Variants in GPR37 observed in about 807,000 individuals in gnomAD.
The protein encoded by GPR37 is G protein-coupled receptor 37, also known as prosaposin receptor GPR37.
A neutral mutation model predicts 43.6 loss-of-function variants in GPR37; 20 were observed. The ratio of observed to expected loss-of-function variants is 0.46; its 90% CI spans 0.32 to 0.67. The LOEUF is 0.67. GPR37 is among the 30% of genes least tolerant of loss of function. The pLI is 0.03. For missense variants in GPR37, 724 were observed against 797.2 expected, an observed-to-expected ratio of 0.91 and a Z score of 1.11; for synonymous variants, 315 against 322.6, an observed-to-expected ratio of 0.98 and a Z score of 0.25.
rs2190099 is a variant in GPR37 at position 124,744,767 on chromosome 7, A to G, written c.*1758T>C. 0.2 allele frequency: 30,484 copies of G among 152,146 alleles called. 3,848 individuals are homozygous for G. The highest frequency in any genetic ancestry group is 0.33 in the South Asian group (1,569 of 4,826). 9.4% of individuals were successfully genotyped at this position (152,146 alleles called of 1,614,324 possible). On this transcript the variant is annotated 3_prime_UTR_variant, in exon 2 of 2. Transcript: ENST00000303921. The stretch of plus-strand genomic sequence containing the variant: ...TCTGTAAGGTCTGAGGCTGTGACCT[A>G]TTTACCTTTAGTTACTCAGGTAATA...
rs1444385963 is a variant in GPR37 at position 124,764,667 on chromosome 7, C to A, written c.310G>T (p.Ala104Ser). ...RDPAAGRGAEASAAGPPGPPT... is the reference protein window; with the variant it reads ...RDPAAGRGAESSAAGPPGPPT... The stretch of plus-strand genomic sequence containing the variant: ...GGTCCCGGGGGTCCGGCTGCCGACG[C>A]CTCCGCCCCTCTGCCTGCAGCCGGG... Residue 104 changes from alanine to serine, a missense_variant, in exon 1 of 2, where the codon GCG becomes TCG. This residue lies in a region of GPR37 where 382 missense variants were observed against 355.4 expected (regional missense o/e 1.07). Coordinates refer to ENST00000303921, the MANE Select transcript of GPR37 (RefSeq NM_005302.5). The surrounding 1 kb of genome is among the most constrained non-coding windows in gnomAD (Gnocchi z 5.4). 3 of 1,587,496 alleles carry A rather than the reference C, an allele frequency of 1.9e-6. No individual in the cohort carries two copies. The African/African-American group carries it at 4.0e-5, about 21-fold the overall frequency.
At position 124,765,344 on chromosome 7, in the gene GPR37, A is replaced by C; in HGVS notation, c.-368T>G. On this transcript the variant is annotated 5_prime_UTR_variant, in exon 1 of 2. Transcript: ENST00000303921. ...GCCCAGACGAAGCCCCACACTCCTC[A>C]CTGCCTTTGGGTGGGGGTGGTGGCC... is the stretch of plus-strand genomic sequence containing the variant. 2 of 217,008 alleles carry C rather than the reference A, an allele frequency of 9.2e-6. No individual in the cohort carries two copies. Among genetic ancestry groups the C allele is most frequent in the Middle Eastern group, 1.5e-3 (1 of 658 alleles). 13.4% of individuals were successfully genotyped at this position (217,008 alleles called of 1,614,324 possible). A position where few individuals can be genotyped will look rare whatever the true frequency, so the allele number is the denominator to read the frequency against.
chr7:124,761,031 C>T (rs1318192518), intron 1 of GPR37, among the ~76,000 whole-genome samples: 2 of 151,874 alleles, frequency 1.3e-5, no homozygotes, highest in African/African-American at 4.8e-5. Flanking sequence ...TGGTGACACG[C>T]ACCCGTAGTC....
chr7:124,746,792 C>T lies in GPR37; in HGVS notation c.1575G>A (p.Gln525=). 6.2e-7 allele frequency: 1 copy of T among 1,614,066 alleles called. No homozygotes were observed. The highest frequency in any genetic ancestry group is 8.5e-7 in the Non-Finnish European group (1 of 1,179,940). Residue 525 remains glutamine, a synonymous_variant, in exon 2 of 2, where the codon CAG becomes CAA. Coordinates refer to ENST00000303921, the MANE Select transcript of GPR37 (RefSeq NM_005302.5). ...TGATGATATTAAGGAGGTCCATTGT[C>T]TGCTGTGAAACCCCTGTAGCCATGT... The part of the protein sequence containing the change: ...TAYMATGVSQ[Q]TMDLLNIISQ...
At chr7:124,747,493 T>C (rs369126247) in intron 1 of GPR37, 150 bp from the exon 2 acceptor site, 1 of 613,484 alleles carries the variant, frequency 1.6e-6, no homozygotes. Flanking sequence ...GAATGAGGCA[T>C]GGGTAACTGG....
intron 1 of GPR37, among the ~76,000 whole-genome samples, chr7:124,753,558 A>C (rs919808346): frequency 6.6e-6 from 1 of 152,084 alleles, no homozygotes; most frequent in East Asian, 1.9e-4. Flanking sequence ...GAAAAAAAAA[A>C]CCTATAAAGT....
chr7:124,756,001 C>G (rs757638858), intron 1 of GPR37, among the ~76,000 whole-genome samples: 5 of 152,076 alleles, frequency 3.3e-5, no homozygotes. Flanking sequence ...AATTGAGAAA[C>G]CATATTTTAG....
At position 124,764,732 on chromosome 7, in the gene GPR37, G is replaced by C. The variant is rs533008895; in HGVS notation, c.245C>G (p.Ala82Gly). Residue 82 changes from alanine (A) to glycine (G), a missense_variant, in exon 1 of 2, where the codon GCG becomes GGG. Physicochemically the swap from Ala to Gly is moderately conservative, Grantham distance 60. Around this residue, in one of 2 missense-constraint regions of GPR37, gnomAD observed 382 missense variants for 355.4 expected, o/e 1.07. Coordinates refer to ENST00000303921, the MANE Select transcript of GPR37 (RefSeq NM_005302.5). The surrounding 1 kb of genome is among the most constrained non-coding windows in gnomAD (Gnocchi z 5.4). ...CGCCGGCAGGTCCCAGGAGGGTCCC[G>C]CAAGAAACGCTGCCCCCTGCTCCTC... ...PREEQGAAFL[A>G]GPSWDLPAAP... The C allele has an allele frequency of 4.4e-6, 7 of 1,608,860 alleles. No individual in the cohort carries two copies. The highest frequency in any genetic ancestry group is 5.9e-6 in the Non-Finnish European group (7 of 1,179,300).
chr7:124,752,817 T>G (rs1793747788), intron 1 of GPR37, among the ~76,000 whole-genome samples: 1 of 152,166 alleles, frequency 6.6e-6, no homozygotes, highest in South Asian at 2.1e-4. Context: ...AACAATGCAG[T>G]ACAGTCATGA....
intron 1 of GPR37, among the ~76,000 whole-genome samples, chr7:124,756,509 C>G (rs1349365971): frequency 6.6e-6 from 1 of 152,110 alleles, no homozygotes; most frequent in East Asian, 1.9e-4. Flanking sequence ...AAAAAAAGAC[C>G]CTCCATATTT....
chr7:124,750,950 A>G (rs1015454272), intron 1 of GPR37, among the ~76,000 whole-genome samples: 1 of 152,146 alleles, frequency 6.6e-6, no homozygotes. Flanking sequence ...TTCTTCAGTC[A>G]TATTCCCAAA....
chr7:124,760,296 G>C (rs1359853498), intron 1 of GPR37, among the ~76,000 whole-genome samples: 1 of 152,092 alleles, frequency 6.6e-6, no homozygotes, highest in Non-Finnish European at 1.5e-5. Flanking sequence ...TAAAAGTCTT[G>C]AGGTCAGAGG....
In GPR37 at chr7:124,746,417, T is replaced by C; in HGVS notation, c.*108A>G. On this transcript the variant is annotated 3_prime_UTR_variant, in exon 2 of 2. Transcript: ENST00000303921. Reference sequence around the variant, plus strand: ...TCTACAGTAGTTAATATTTCTTTCTTTATTGTTTCTTTTTTGCATTTTTCC... The same window carrying C: ...TCTACAGTAGTTAATATTTCTTTCTCTATTGTTTCTTTTTTGCATTTTTCC... 1 of 810,084 alleles carries C rather than the reference T, an allele frequency of 1.2e-6. No homozygotes were observed. The allele number at this position is 810,084 out of a possible 1,614,324, so 50.2% of individuals were successfully genotyped here.
chr7:124,748,882 C>T (rs1793703158), intron 1 of GPR37, among the ~76,000 whole-genome samples: 1 of 151,888 alleles, frequency 6.6e-6, no homozygotes, highest in Non-Finnish European at 1.5e-5. Flanking sequence ...ACACATGTTC[C>T]TAATGTAAGC....
intron 1 of GPR37, among the ~76,000 whole-genome samples, chr7:124,762,081 T>C (rs1584727246): frequency 6.6e-6 from 1 of 152,190 alleles, no homozygotes; most frequent in East Asian, 1.9e-4. Flanking sequence ...AAAGCACTCT[T>C]AAGGAGGAGC....
In GPR37 at chr7:124,765,396, T is replaced by G; in HGVS notation, c.-420A>C. The G allele has an allele frequency of 5.8e-6, 1 of 171,304 alleles. No individual in the cohort carries two copies. The allele number at this position is 171,304 out of a possible 1,614,324, so 10.6% of individuals were successfully genotyped here. ...TCTTGGTAACAGTTGCTCTGCCTATTTACATCCTTTCGACAGCGTTTGATC... is the reference window on the plus strand; with the variant it reads ...TCTTGGTAACAGTTGCTCTGCCTATGTACATCCTTTCGACAGCGTTTGATC... On this transcript the variant is annotated 5_prime_UTR_variant, in exon 1 of 2. It removes the in-frame stop codon of an upstream open reading frame in the 5' UTR. Coordinates refer to ENST00000303921, the MANE Select transcript of GPR37 (RefSeq NM_005302.5).
chr7:124,748,778 T>C (rs1030518120), intron 1 of GPR37, among the ~76,000 whole-genome samples: 39 of 152,204 alleles, frequency 2.6e-4, no homozygotes, highest in South Asian at 4.1e-4. Flanking sequence ...TATAAGCATA[T>C]GGTCCAGACA....
chr7:124,747,206 C>T lies in GPR37; in HGVS notation c.1161G>A (p.Trp387Ter), dbSNP rs1395052796. ...SSTTAKLAVI[W>*]VGALLLALPE... ...GAAGTGCTAACAATAGAGCTCCCAC[C>T]CATATAACAGCAAGTTTGGCAGTTG... Residue 387 changes from tryptophan (W) to a stop codon, truncating the protein, a stop_gained, in exon 2 of 2, where the codon TGG (tryptophan) becomes TGA (stop). Coordinates refer to ENST00000303921, the MANE Select transcript of GPR37 (RefSeq NM_005302.5). LOFTEE classifies it high-confidence loss of function. The T allele has an allele frequency of 6.2e-7, 1 of 1,613,886 alleles. No individual in the cohort carries two copies. Among genetic ancestry groups the T allele is most frequent in the East Asian group, 2.2e-5 (1 of 44,850 alleles).
chr7:124,759,067 T>A (rs1471495823), intron 1 of GPR37, among the ~76,000 whole-genome samples: 1 of 106,038 alleles, frequency 9.4e-6, no homozygotes, highest in Non-Finnish European at 1.9e-5. Context: ...ATTATTTGAA[T>A]TTTTTTTTTT....
Sources: gnomAD v4.1 joint callset for allele counts (sites outside exome capture counted in the v4.1 genomes callset) on GRCh38, gnomAD v4.1.1 for gene constraint, gnomAD v4.1.1 regional missense constraint, Gnocchi (gnomAD v3.1) non-coding constraint, MANE v1.5 for transcripts, NCBI Gene and HGNC (gene_info 2026-07-23, HGNC 2026-07-21) for gene names.